Variants in DHX40 observed in about 807,000 individuals in gnomAD.
The protein encoded by DHX40 is DEAH-box helicase 40.
Under a neutral mutation model 89.6 loss-of-function variants are expected in DHX40, and 28 were observed. That is an observed-to-expected ratio of 0.31 (90% confidence interval 0.23 to 0.43). The LOEUF (loss-of-function observed/expected upper bound fraction) is 0.43, where lower values mean the gene tolerates loss of function less well. Among genes scored for constraint, DHX40 ranks in the 20% least tolerant of loss-of-function variants. The pLI, the probability that DHX40 is intolerant of heterozygous loss-of-function variation, is 1.00. For missense variants in DHX40, 457 were observed against 844.0 expected (o/e 0.54, Z 5.68); for synonymous variants, 226 against 283.6 (o/e 0.80, Z 2.04).
chr17:59,572,635 A>T (rs563408168), intron 3 of DHX40, among the ~76,000 whole-genome samples: 1 of 152,174 alleles, frequency 6.6e-6, no homozygotes, highest in African/African-American at 2.4e-5. Flanking sequence ...CACCTCAGCA[A>T]CCCAAAGTGC....
At chr17:59,602,878 C>G (rs2030620083) in intron 15 of DHX40, among the ~76,000 whole-genome samples, 1 of 152,048 alleles carries the variant, frequency 6.6e-6, no homozygotes, top group Non-Finnish European at 1.5e-5. Context: ...AGGCAAGTAA[C>G]AAGAGTTTTC....
At chr17:59,576,842 A>G (rs556500821) in intron 7 of DHX40, among the ~76,000 whole-genome samples, 23 of 151,318 alleles carry the variant, frequency 1.5e-4, no homozygotes, top group Non-Finnish European at 2.5e-4. Flanking sequence ...ATTGAAAATA[A>G]TGTTCTGGAT....
intron 14 of DHX40, among the ~76,000 whole-genome samples, chr17:59,600,809 A>C (rs772342548): frequency 1.3e-5 from 2 of 149,494 alleles, no homozygotes; most frequent in African/African-American, 2.5e-5. Context: ...ATGCCACTAC[A>C]CTCTAGCCTG....
intron 3 of DHX40, among the ~76,000 whole-genome samples, 155 bp from the exon 4 acceptor site, chr17:59,572,961 A>T (rs1015922493): frequency 3.9e-5 from 6 of 152,172 alleles, no homozygotes; most frequent in Non-Finnish European, 7.4e-5. Flanking sequence ...ATGTTTTGTA[A>T]CTTACCATCA....
chr17:59,568,167 G>A (rs1042858278), intron 2 of DHX40, among the ~76,000 whole-genome samples: 3 of 152,202 alleles, frequency 2.0e-5, no homozygotes, highest in Admixed American at 6.5e-5. Flanking sequence ...GGCAGAGGTT[G>A]CAGTGAGCTG....
intron 10 of DHX40, among the ~76,000 whole-genome samples, chr17:59,585,927 G>C (rs2048988763): frequency 6.6e-6 from 1 of 151,512 alleles, no homozygotes; most frequent in African/African-American, 2.4e-5. Context: ...TTTCAGCTAA[G>C]GGGAGTCAAA....
intron 3 of DHX40, 142 bp from the exon 4 acceptor site, chr17:59,572,974 T>G (rs1404998530): frequency 2.5e-6 from 2 of 810,466 alleles, no homozygotes; most frequent in African/African-American, 1.8e-5. Flanking sequence ...TACCATCATT[T>G]TGTATACATA....
chr17:59,607,653 C>T lies in DHX40; in HGVS notation c.*481C>T, dbSNP rs1340846929. ...TCAGAAGGCTGAACATAAGAGGTTT[C>T]TACTCAGCAATACTTAGATGTCTAA... On this transcript the variant is annotated 3_prime_UTR_variant, in exon 18 of 18. Coordinates refer to ENST00000251241, the MANE Select transcript of DHX40 (RefSeq NM_024612.5). The T allele has an allele frequency of 5.2e-6, 1 of 191,368 alleles. No homozygotes were observed. The highest frequency in any genetic ancestry group is 2.3e-5 in the African/African-American group (1 of 42,920). 11.9% of individuals were successfully genotyped at this position (191,368 alleles called of 1,614,324 possible). A position where few individuals can be genotyped will look rare whatever the true frequency, so the allele number is the denominator to read the frequency against.
chr17:59,568,848 A>ATC (rs1567855421), intron 2 of DHX40, among the ~76,000 whole-genome samples: 1 of 149,614 alleles, frequency 6.7e-6, no homozygotes, highest in Non-Finnish European at 1.5e-5. Flanking sequence ...ATATATATAT[A>ATC]TATATAAATA....
At chr17:59,593,991 T>G (rs1481653552) in intron 12 of DHX40, among the ~76,000 whole-genome samples, 2 of 151,332 alleles carry the variant, frequency 1.3e-5, no homozygotes, top group African/African-American at 4.9e-5. Context: ...CTTTTACTGT[T>G]GAATCTGTGT....
intron 10 of DHX40, among the ~76,000 whole-genome samples, chr17:59,583,497 A>G (rs2048963276): frequency 8.5e-6 from 1 of 117,310 alleles, no homozygotes; most frequent in Non-Finnish European, 2.0e-5. Flanking sequence ...TGTGTTTGGG[A>G]TGTACAATAG....
chr17:59,605,351 G>A, intron 16 of DHX40, 95 bp from the exon 17 acceptor site: 2 of 1,367,818 alleles, frequency 1.5e-6, no homozygotes, highest in African/African-American at 2.9e-5. Context: ...AAGAAGATAG[G>A]AATTAATTGA....
Position 59,577,250 on chromosome 17 carries a change from T to C in DHX40, c.974-16T>C, listed in dbSNP as rs747912042. On this transcript the variant is annotated splice_polypyrimidine_tract_variant and intron_variant, in intron 7 of 17. Transcript: ENST00000251241. ...GCATGTTGTAAATTGGTATTTTCTT[T>C]TTATATATACTTCAGATCAACAGAG... 1 of 1,600,900 alleles carries C rather than the reference T, an allele frequency of 6.2e-7. No homozygotes were observed. The highest frequency in any genetic ancestry group is 1.1e-5 in the South Asian group (1 of 90,794).
intron 2 of DHX40, among the ~76,000 whole-genome samples, chr17:59,568,453 G>C (rs1212380571): frequency 6.6e-6 from 1 of 151,890 alleles, no homozygotes. Context: ...CTTATCCTTG[G>C]GAGATGCCTT....
At chr17:59,577,127 C>T (rs866472715) in intron 7 of DHX40, 139 bp from the exon 8 acceptor site, 1 of 709,980 alleles carries the variant, frequency 1.4e-6, no homozygotes. Context: ...CCTCAGCCTC[C>T]CAAAGTGCTG....
At chr17:59,600,496 C>G (rs1052746818) in intron 14 of DHX40, among the ~76,000 whole-genome samples, 1 of 151,370 alleles carries the variant, frequency 6.6e-6, no homozygotes, top group Non-Finnish European at 1.5e-5. Flanking sequence ...TCTTTTACTC[C>G]TCATGATTAT....
Position 59,608,256 on chromosome 17 carries a change from GTA to G in DHX40, c.*1086_*1087del, listed in dbSNP as rs1445485698. 1 of 152,478 alleles carries G rather than the reference GTA, an allele frequency of 6.6e-6. No individual in the cohort carries two copies. Among genetic ancestry groups the G allele is most frequent in the Non-Finnish European group, 1.5e-5 (1 of 68,006 alleles). 9.4% of individuals were successfully genotyped at this position (152,478 alleles called of 1,614,324 possible). A position where few individuals can be genotyped will look rare whatever the true frequency, so the allele number is the denominator to read the frequency against. ...AGGGACTGTGTCTTTTTTCATCTTT[GTA>G]TCTTTCATGCACCTAGCATAGTGCT... is the stretch of plus-strand genomic sequence containing the variant. On this transcript the variant is annotated 3_prime_UTR_variant, in exon 18 of 18. Coordinates refer to ENST00000251241, the MANE Select transcript of DHX40 (RefSeq NM_024612.5).
intron 10 of DHX40, among the ~76,000 whole-genome samples, chr17:59,582,325 A>T (rs2048955842): frequency 8.1e-6 from 1 of 123,828 alleles, no homozygotes; most frequent in Non-Finnish European, 1.6e-5. Context: ...AAAAAGTTGT[A>T]TAAAGAATAA....
chr17:59,571,236 T>C (rs1337435729), intron 3 of DHX40, among the ~76,000 whole-genome samples: 1 of 152,026 alleles, frequency 6.6e-6, no homozygotes, highest in Non-Finnish European at 1.5e-5. Context: ...GGCGGGTGGA[T>C]CACCTGAGGT....
Sources: gnomAD v4.1 joint callset for allele counts (sites outside exome capture counted in the v4.1 genomes callset) on GRCh38, gnomAD v4.1.1 for gene constraint, MANE v1.5 for transcripts, NCBI Gene and HGNC (gene_info 2026-07-23, HGNC 2026-07-21) for gene names.